NANS: variants seen among roughly 807,000 people sequenced by gnomAD.
NANS encodes N-acetylneuraminate-9-phosphate synthase.
A neutral mutation model predicts 33.3 loss-of-function variants in NANS; 29 were observed. The observed-to-expected ratio is 0.87, with a 90% CI of 0.65 to 1.19. The LOEUF is 1.19. Among genes scored for constraint, NANS ranks in the 50% most tolerant of loss-of-function variants. NANS has a pLI of 0.00. For synonymous variants in NANS, 163 were observed against 177.2 expected (o/e 0.92, Z 0.64); for missense variants, 394 against 461.1 (o/e 0.85, Z 1.33).
intron 1 of NANS, among the ~76,000 whole-genome samples, chr9:98,057,277 C>T (rs1371462414): frequency 2.0e-5 from 3 of 152,196 alleles, no homozygotes; most frequent in African/African-American, 7.2e-5. Flanking sequence ...AGTCGAAACC[C>T]TTTAACATAG....
At chr9:98,065,113 C>G (rs1168932571) in intron 2 of NANS, among the ~76,000 whole-genome samples, 1 of 152,124 alleles carries the variant, frequency 6.6e-6, no homozygotes, top group African/African-American at 2.4e-5. Context: ...AGGAATAGGT[C>G]TTGTAAGTAT....
intron 2 of NANS, among the ~76,000 whole-genome samples, chr9:98,074,035 C>T (rs2117889254): frequency 6.6e-6 from 1 of 152,264 alleles, no homozygotes; most frequent in East Asian, 1.9e-4. Flanking sequence ...ATCCTCCTGC[C>T]TTGGCCTCCC....
intron 2 of NANS, chr9:98,075,964 T>G (rs1829572208): frequency 6.6e-6 from 1 of 152,174 alleles, no homozygotes; most frequent in African/African-American, 2.4e-5. Flanking sequence ...TGCTGACATT[T>G]ACCAATTTCC....
intron 1 of NANS, among the ~76,000 whole-genome samples, chr9:98,058,704 T>C (rs1314667207): frequency 6.6e-6 from 1 of 152,192 alleles, no homozygotes; most frequent in Non-Finnish European, 1.5e-5. Context: ...GGAAGGCAGA[T>C]TGCTTGAGCT....
intron 2 of NANS, among the ~76,000 whole-genome samples, chr9:98,071,320 G>A (rs564878193): frequency 5.9e-5 from 9 of 152,278 alleles, no homozygotes; most frequent in Non-Finnish European, 1.0e-4. Context: ...GCCCATACCC[G>A]GGCTATATGG....
chr9:98,078,842 A>AG (rs1222674963), intron 4 of NANS, among the ~76,000 whole-genome samples: 2 of 151,168 alleles, frequency 1.3e-5, no homozygotes, highest in African/African-American at 4.9e-5. Flanking sequence ...GGGGGAAAAA[A>AG]AAAAAAAAAA....
At chr9:98,072,381 T>C (rs1182482292) in intron 2 of NANS, among the ~76,000 whole-genome samples, 1 of 152,020 alleles carries the variant, frequency 6.6e-6, no homozygotes. Context: ...GTCCCCTGCC[T>C]GACCTAGGGC....
chr9:98,073,750 G>T (rs1829459020), intron 2 of NANS, among the ~76,000 whole-genome samples: 1 of 151,938 alleles, frequency 6.6e-6, no homozygotes, highest in Non-Finnish European at 1.5e-5. Flanking sequence ...GGTTCTGTGG[G>T]CACGTGTTGT....
rs397837187 is a variant in NANS at position 98,065,483 on chromosome 9, ATTTTTTTTTTTTTT to A, written c.348+4500_348+4513del. Among the ~76,000 whole-genome samples the A allele has an allele frequency of 6.8e-5, 4 of 58,632 alleles. 1 individual carries two copies. The highest frequency in any genetic ancestry group is 2.0e-3 in the South Asian group (2 of 1,024). 38.5% of individuals were successfully genotyped at this position (58,632 alleles called of 152,430 possible). On this transcript the variant is annotated intron_variant, in intron 2 of 5. Transcript: ENST00000210444. ...AGGCGTCCACCACCATGCCCAGCTA[ATTTTTTTTTTTTTT>A]TTTTTTTTTTTTTGTATTTTTAGTA...
At position 98,056,739 on chromosome 9, in the gene NANS, A is replaced by T. The variant is rs950326119; in HGVS notation, c.-70A>T. The T allele has an allele frequency of 1.9e-6, 3 of 1,560,492 alleles. No individual in the cohort carries two copies. The highest frequency in any genetic ancestry group is 3.8e-5 in the Admixed American group (2 of 52,598). On this transcript the variant is annotated 5_prime_UTR_variant, in exon 1 of 6. Coordinates refer to ENST00000210444, the MANE Select transcript of NANS (RefSeq NM_018946.4). ...GGTCTCGCAGCGTTGCTCACAGAAC[A>T]GAGTAGAGGCGGCGGCGGCGGCGGC...
At chr9:98,080,729 C>A in intron 4 of NANS, 87 bp from the exon 5 acceptor site, 1 of 1,453,432 alleles carries the variant, frequency 6.9e-7, no homozygotes. Flanking sequence ...AGTGGCTAAA[C>A]CGGGGCTCAA....
At chr9:98,075,406 G>A (rs1217419642) in intron 2 of NANS, 1 of 146,582 alleles carries the variant, frequency 6.8e-6, no homozygotes, top group African/African-American at 2.5e-5. Context: ...AGGGAGGGAG[G>A]AAGGAAAGGG....
At chr9:98,061,351 C>T (rs137899546) in intron 2 of NANS, 2,313 of 229,504 alleles carry the variant, frequency 0.01, 50 homozygotes, top group African/African-American at 0.049. Context: ...GTGGTGCGTG[C>T]CTGTAATCCC....
At chr9:98,059,041 C>G (rs78626741) in intron 1 of NANS, among the ~76,000 whole-genome samples, 1 of 147,294 alleles carries the variant, frequency 6.8e-6, no homozygotes, top group South Asian at 2.2e-4. Flanking sequence ...TTTTTTTTTT[C>G]AAGACGGAGT....
At chr9:98,059,633 T>C (rs1351511110) in intron 1 of NANS, among the ~76,000 whole-genome samples, 1 of 152,190 alleles carries the variant, frequency 6.6e-6, no homozygotes, top group Non-Finnish European at 1.5e-5. Flanking sequence ...GAGGCTGGTC[T>C]TGAACTCCTT....
intron 2 of NANS, chr9:98,075,698 A>T (rs1018147102): frequency 6.6e-6 from 1 of 152,142 alleles, no homozygotes; most frequent in African/African-American, 2.4e-5. Context: ...TCCAACTTCA[A>T]AACAAAACAA....
chr9:98,083,037 C>G lies in NANS; in HGVS notation c.1062C>G (p.Gly354=). 6.2e-7 allele frequency: 1 copy of G among 1,613,342 alleles called. No individual in the cohort carries two copies. The highest frequency in any genetic ancestry group is 8.5e-7 in the Non-Finnish European group (1 of 1,179,746). The part of the protein sequence containing the change: ...TIMEELVDNH[G]KKIKS ...TGGAAGAATTGGTAGATAATCATGG[C>G]AAAAAAATCAAGTCTTAAAAATAAA... is the stretch of plus-strand genomic sequence containing the variant. The change falls in exon 6 of 6, where the codon GGC becomes GGG. Residue 354 remains glycine (G), a synonymous_variant. Coordinates refer to ENST00000210444, the MANE Select transcript of NANS (RefSeq NM_018946.4).
At chr9:98,074,578 C>T (rs1292681825) in intron 2 of NANS, 1 of 152,202 alleles carries the variant, frequency 6.6e-6, no homozygotes, top group Non-Finnish European at 1.5e-5. Flanking sequence ...GTGGCGCTGG[C>T]TCCCCAGGAG....
chr9:98,080,759 A>G, intron 4 of NANS, 57 bp from the exon 5 acceptor site: 1 of 1,520,190 alleles, frequency 6.6e-7, no homozygotes, highest in Non-Finnish European at 8.8e-7. Context: ...CTTCACCTGG[A>G]GAATATGCAT....
Sources: gnomAD v4.1 joint callset for allele counts (sites outside exome capture counted in the v4.1 genomes callset) on GRCh38, gnomAD v4.1.1 for gene constraint, MANE v1.5 for transcripts, NCBI Gene and HGNC (gene_info 2026-07-23, HGNC 2026-07-21) for gene names.